Variants in ADAMTS13 observed in about 807,000 individuals in gnomAD.
ADAMTS13 encodes the protein A disintegrin and metalloproteinase with thrombospondin motifs 13.
A neutral mutation model predicts 155.1 loss-of-function variants in ADAMTS13; 110 were observed. That is an observed-to-expected ratio of 0.71 (90% CI 0.61 to 0.83). ADAMTS13 has a LOEUF of 0.83. Ranked by LOEUF, ADAMTS13 falls within the 40% of genes least tolerant of loss-of-function variation. The probability of loss-of-function intolerance (pLI) is 0.00; values close to 1 mark genes in which losing one functional copy is unlikely to be tolerated. For synonymous variants in ADAMTS13, 758 were observed against 756.4 expected (o/e 1.00, Z -0.03); for missense variants, 1,707 against 1,891.7 (o/e 0.90, Z 1.81).
intron 11 of ADAMTS13, 25 bp from the exon 12 acceptor site, chr9:133,436,804 C>T: frequency 8.3e-7 from 1 of 1,197,872 alleles, no homozygotes; most frequent in Non-Finnish European, 1.1e-6. Flanking sequence ...ACCGCCATCC[C>T]CCTCCTCTGC....
rs1840129099 is a variant in ADAMTS13 at position 133,424,249 on chromosome 9, C to T, written c.173-72C>T. ...AGGCCATCCTTCCAAGACCTGCCAG[C>T]CCCTTTCCTGTTAGCTTTCCACTGC... On this transcript the variant is annotated intron_variant, in intron 2 of 28. Transcript: ENST00000355699. This position sits in a 1 kb window ranked among gnomAD's most constrained non-coding sequence, Gnocchi z 4.3. The T allele has an allele frequency of 6.3e-7, 1 of 1,599,540 alleles. No homozygotes were observed. The highest frequency in any genetic ancestry group is 1.1e-5 in the South Asian group (1 of 90,926).
In ADAMTS13 at chr9:133,457,939, G is replaced by T; in HGVS notation, c.3754G>T (p.Gly1252Cys). Residue 1252 changes from glycine to cysteine, a missense_variant, in exon 28 of 29, where the codon GGT (glycine) becomes TGT (cysteine). Physicochemically the swap from Gly to Cys is radical, Grantham distance 159. Coordinates refer to ENST00000355699, the MANE Select transcript of ADAMTS13 (RefSeq NM_139027.6). ...ECDMQLFGPW[G>C]EIVSPSLSPA... is the part of the protein sequence containing the mutation. Reference sequence around the variant, plus strand: ...TGACATGCAGCTCTTTGGGCCCTGGGGTGAAATCGTGAGCCCCTCGCTGAG... The same window carrying T: ...TGACATGCAGCTCTTTGGGCCCTGGTGTGAAATCGTGAGCCCCTCGCTGAG... 2.5e-6 allele frequency: 4 copies of T among 1,613,830 alleles called. No individual in the cohort carries two copies. Among genetic ancestry groups the T allele is most frequent in the Non-Finnish European group, 3.4e-6 (4 of 1,180,038 alleles).
chr9:133,449,198 T>C (rs73550863), intron 22 of ADAMTS13, among the ~76,000 whole-genome samples: 1 of 152,204 alleles, frequency 6.6e-6, no homozygotes, highest in African/African-American at 2.4e-5. Context: ...TCTGGGATGC[T>C]GTGGGTGCAC....
At chr9:133,447,046 G>A (rs1487168321) in intron 21 of ADAMTS13, among the ~76,000 whole-genome samples, 2 of 152,056 alleles carry the variant, frequency 1.3e-5, no homozygotes, top group Non-Finnish European at 2.9e-5. Context: ...GTAGAGATGG[G>A]GTTTCACCAT....
At chr9:133,433,734 C>T (rs781826767) in intron 11 of ADAMTS13, 30 bp downstream of exon 11, 3 of 1,609,448 alleles carry the variant, frequency 1.9e-6, no homozygotes, top group Non-Finnish European at 1.7e-6. Context: ...TAGGAGGGGG[C>T]AGCTGGTGGC....
At chr9:133,414,904 C>T (rs147890080) in intron 1 of ADAMTS13, 138 of 1,613,950 alleles carry the variant, frequency 8.6e-5, no homozygotes, top group Non-Finnish European at 1.1e-4. Context: ...TCACTTGAGG[C>T]GAGGTCTCTT....
At position 133,430,251 on chromosome 9, in the gene ADAMTS13, TGCCC is replaced by T; in HGVS notation, c.987+151_987+154del. The T allele has an allele frequency of 4.1e-6, 4 of 979,686 alleles. No homozygotes were observed. In the South Asian group the frequency reaches 5.5e-5, roughly 14 times the overall value. The allele number at this position is 979,686 out of a possible 1,614,324, so 60.7% of individuals were successfully genotyped here. A position where few individuals can be genotyped will look rare whatever the true frequency, so the allele number is the denominator to read the frequency against. On this transcript the variant is annotated intron_variant, in intron 8 of 28. Coordinates refer to ENST00000355699, the MANE Select transcript of ADAMTS13 (RefSeq NM_139027.6). ...GGGCGGCTTAGTTTAATGCTGTCTGTGCCCTCTAGAAATTATTTAAAATGTTTGA... is the reference window on the plus strand; with the variant it reads ...GGGCGGCTTAGTTTAATGCTGTCTGTTCTAGAAATTATTTAAAATGTTTGA...
In ADAMTS13 at chr9:133,423,271, GAGA is replaced by G. The variant is rs1173929566; in HGVS notation, c.172+107_172+109del. The G allele has an allele frequency of 3.8e-6, 4 of 1,040,140 alleles. No individual in the cohort carries two copies. The South Asian group carries it at 5.1e-5, about 13-fold the overall frequency. 64.4% of individuals were successfully genotyped at this position (1,040,140 alleles called of 1,614,324 possible). A position where few individuals can be genotyped will look rare whatever the true frequency, so the allele number is the denominator to read the frequency against. ...CTGGGATTTTTGGTGGATCTGGAAG[GAGA>G]AGGTCAGAGAAGCTGCTGTCAACCC... On this transcript the variant is annotated intron_variant, in intron 2 of 28. Transcript: ENST00000355699.
At chr9:133,437,994 T>G in intron 13 of ADAMTS13, 97 bp downstream of exon 13, 3 of 1,589,702 alleles carry the variant, frequency 1.9e-6, no homozygotes, top group Non-Finnish European at 2.6e-6. Flanking sequence ...CTGATGGAGC[T>G]GCAGTGCCCT....
rs370406676 is a variant in ADAMTS13, at chr9:133,422,454, G to A, written c.11G>A (p.Arg4His). 47 of 1,613,632 alleles carry A rather than the reference G, an allele frequency of 2.9e-5. 1 individual carries two copies. The highest frequency in any genetic ancestry group is 3.7e-5 in the Non-Finnish European group (44 of 1,180,032). The change falls in exon 1 of 29, where the codon CGT (arginine) becomes CAT (histidine). Residue 4 changes from arginine (R) to histidine (H), a missense_variant. Physicochemically the swap from Arg to His is conservative, Grantham distance 29 (BLOSUM62 0). Around this residue, in one of 3 missense-constraint regions of ADAMTS13, gnomAD observed 733 missense variants for 749.6 expected, o/e 0.98. Coordinates refer to ENST00000355699, the MANE Select transcript of ADAMTS13 (RefSeq NM_139027.6). Reference protein sequence around the residue: MHQRHPRARCPPLC... With the variant: MHQHHPRARCPPLC... ...CTGGCTCTCCTGAGGATGCACCAGC[G>A]TCACCCCCGGGCAAGATGCCCTCCC...
At chr9:133,417,903 C>G (rs1005781597), upstream of ADAMTS13, 1 of 1,518,998 alleles carries the variant, frequency 6.6e-7, no homozygotes, top group Non-Finnish European at 8.8e-7. Context: ...TCCCCGGGCC[C>G]GGCGCCCTGG....
At chr9:133,415,083 G>T in intron 1 of ADAMTS13, 1 of 1,256,894 alleles carries the variant, frequency 8.0e-7, no homozygotes, top group Non-Finnish European at 1.1e-6. Context: ...AAAAACTTAC[G>T]TGTGTATGTA....
In ADAMTS13 at chr9:133,459,104, G is replaced by A; in HGVS notation, c.4040G>A (p.Gly1347Asp). ...CTGAAGGCTCAGGCCAGCCTGCGGG[G>A]CCAGTACTGGACCCTCCAATCATGG... ...GFLKAQASLR[G>D]QYWTLQSWVP... is the part of the protein sequence containing the mutation. Residue 1347 changes from glycine (G) to aspartate (D), a missense_variant, in exon 29 of 29, where the codon GGC becomes GAC. Gly to Asp is a moderately conservative substitution (Grantham distance 94, BLOSUM62 -1). Around this residue, in one of 3 missense-constraint regions of ADAMTS13, gnomAD observed 961 missense variants for 1,107.9 expected, o/e 0.87. Transcript: ENST00000355699. 2.5e-6 allele frequency: 4 copies of A among 1,612,850 alleles called. No individual in the cohort carries two copies. The highest frequency in any genetic ancestry group is 3.4e-6 in the Non-Finnish European group (4 of 1,179,884).
intron 23 of ADAMTS13, among the ~76,000 whole-genome samples, chr9:133,453,448 C>G (rs1842561907): frequency 6.6e-6 from 1 of 151,952 alleles, no homozygotes; most frequent in Admixed American, 6.6e-5. Flanking sequence ...CCACTGCACT[C>G]CAGCCTGGGC....
At chr9:133,436,104 A>G (rs1288509728) in intron 11 of ADAMTS13, among the ~76,000 whole-genome samples, 2 of 145,788 alleles carry the variant, frequency 1.4e-5, no homozygotes, top group Non-Finnish European at 3.0e-5. Flanking sequence ...CGCGTGAGCC[A>G]TGGCGCCCGG....
intron 1 of ADAMTS13, among the ~76,000 whole-genome samples, chr9:133,416,614 C>T (rs1839623052): frequency 6.6e-6 from 1 of 152,130 alleles, no homozygotes; most frequent in South Asian, 2.1e-4. Context: ...GTATGAGTGA[C>T]GCACGTGGAA....
Position 133,429,924 on chromosome 9 carries a change from C to T in ADAMTS13, c.825-15C>T, listed in dbSNP as rs1840614782. ...CCCCGGGACTGAGCCGGGCCTGAGC[C>T]GGGCCTTGTCGCAGCGCAGGACGGG... is the stretch of plus-strand genomic sequence containing the variant. On this transcript the variant is annotated splice_polypyrimidine_tract_variant and intron_variant, in intron 7 of 28. Coordinates refer to ENST00000355699, the MANE Select transcript of ADAMTS13 (RefSeq NM_139027.6). 10 of 1,534,686 alleles carry T rather than the reference C, an allele frequency of 6.5e-6. No homozygotes were observed. The highest frequency in any genetic ancestry group is 8.7e-6 in the Non-Finnish European group (10 of 1,145,514).
chr9:133,440,572 G>T lies in ADAMTS13; in HGVS notation c.1968+47G>T, dbSNP rs782114185. On this transcript the variant is annotated intron_variant, in intron 16 of 28. Coordinates refer to ENST00000355699, the MANE Select transcript of ADAMTS13 (RefSeq NM_139027.6). The surrounding 1 kb of genome is among the most constrained non-coding windows in gnomAD (Gnocchi z 4.3). Reference sequence around the variant, plus strand: ...AGGCCAGTGGGGGCTTCTTCTTGGGGGCTATGGCTGCTTGCTCGTTTGTCT... The same window carrying T: ...AGGCCAGTGGGGGCTTCTTCTTGGGTGCTATGGCTGCTTGCTCGTTTGTCT... 7 of 1,519,978 alleles carry T rather than the reference G, an allele frequency of 4.6e-6. No individual in the cohort carries two copies. The Admixed American group carries it at 1.5e-4, about 32-fold the overall frequency. 94.2% of individuals were successfully genotyped at this position (1,519,978 alleles called of 1,614,324 possible). A position where few individuals can be genotyped will look rare whatever the true frequency, so the allele number is the denominator to read the frequency against.
chr9:133,421,069 C>T (rs1414901115), upstream of ADAMTS13, among the ~76,000 whole-genome samples: 1 of 152,122 alleles, frequency 6.6e-6, no homozygotes, highest in Non-Finnish European at 1.5e-5. Flanking sequence ...AGTTTGAGAC[C>T]AGCTTGGCCA....
Sources: gnomAD v4.1 joint callset for allele counts (sites outside exome capture counted in the v4.1 genomes callset) on GRCh38, gnomAD v4.1.1 for gene constraint, gnomAD v4.1.1 regional missense constraint, Gnocchi (gnomAD v3.1) non-coding constraint, MANE v1.5 for transcripts, NCBI Gene and HGNC (gene_info 2026-07-23, HGNC 2026-07-21) for gene names.